The following SORCS1 variants were observed in gnomAD, a reference collection of about 807,000 sequenced individuals.
SORCS1 encodes the protein VPS10 domain-containing receptor SorCS1.
SORCS1 carries 60 observed loss-of-function variants against 146.1 expected under a neutral mutation model. That is an observed-to-expected ratio of 0.41 (90% confidence interval 0.33 to 0.51). The LOEUF is 0.51. SORCS1 is among the 20% of genes least tolerant of loss of function. The pLI is 0.21. For missense variants in SORCS1, 1,352 were observed against 1,487.6 expected (o/e 0.91, Z 1.50); for synonymous variants, 637 against 584.0 (o/e 1.09, Z -1.31).
chr10:106,808,818 T>G (rs1947317868), intron 3 of SORCS1, among the ~76,000 whole-genome samples: 1 of 152,178 alleles, frequency 6.6e-6, no homozygotes, highest in Non-Finnish European at 1.5e-5. Context: ...AAAGCAAAGT[T>G]TCTGAATGTC....
intron 2 of SORCS1, among the ~76,000 whole-genome samples, chr10:106,879,640 G>GA (rs1245222104): frequency 1.3e-5 from 2 of 152,210 alleles, no homozygotes; most frequent in African/African-American, 4.8e-5. Context: ...AAAGGCAGAA[G>GA]AAAAAGAGAG....
intron 1 of SORCS1, among the ~76,000 whole-genome samples, chr10:107,041,663 TTATA>T (rs1285640231): frequency 1.1e-4 from 16 of 152,130 alleles, no homozygotes; most frequent in African/African-American, 3.9e-4. Flanking sequence ...CAACAGAATT[TTATA>T]TAGAGGCCCA....
intron 1 of SORCS1, among the ~76,000 whole-genome samples, chr10:107,130,266 C>A (rs1844344848): frequency 1.3e-5 from 2 of 152,186 alleles, no homozygotes; most frequent in African/African-American, 2.4e-5. Flanking sequence ...AAATAGGTTT[C>A]TCATCTTATG....
intron 2 of SORCS1, among the ~76,000 whole-genome samples, chr10:106,865,083 A>T (rs1389660424): frequency 6.6e-6 from 1 of 151,950 alleles, no homozygotes; most frequent in Non-Finnish European, 1.5e-5. Context: ...GACATAGGTG[A>T]CCAGGGGCTG....
intron 2 of SORCS1, among the ~76,000 whole-genome samples, chr10:106,896,437 A>G (rs180696708): frequency 0.011 from 1,637 of 151,700 alleles, 18 homozygotes; most frequent in Middle Eastern, 0.058. Flanking sequence ...TCAAAAAAAA[A>G]AAAAAAAAAA....
intron 2 of SORCS1, among the ~76,000 whole-genome samples, chr10:106,852,670 C>A (rs1374737532): frequency 6.6e-6 from 1 of 150,432 alleles, no homozygotes; most frequent in Non-Finnish European, 1.5e-5. Context: ...AAAGAAATTT[C>A]CCGCTATCCT....
At chr10:106,851,962 A>C (rs1438031108) in intron 2 of SORCS1, among the ~76,000 whole-genome samples, 1 of 152,180 alleles carries the variant, frequency 6.6e-6, no homozygotes, top group African/African-American at 2.4e-5. Flanking sequence ...ATGCTAATGT[A>C]AATGGTAATG....
chr10:106,622,514 T>C (rs975427150), intron 19 of SORCS1, among the ~76,000 whole-genome samples: 10 of 152,162 alleles, frequency 6.6e-5, no homozygotes, highest in African/African-American at 1.7e-4. Flanking sequence ...TAACTTCCCA[T>C]GTCCGTCTTT....
chr10:107,164,159 C>T lies in SORCS1; in HGVS notation c.368G>A (p.Gly123Asp), dbSNP rs1969925942. 6.2e-7 allele frequency: 1 copy of T among 1,612,838 alleles called. No homozygotes were observed. Among genetic ancestry groups the T allele is most frequent in the East Asian group, 2.2e-5 (1 of 44,836 alleles). Residue 123 changes from glycine to aspartate, a missense_variant, in exon 1 of 26, where the codon GGC (glycine) becomes GAC (aspartate). Gly to Asp is a moderately conservative substitution (Grantham distance 94, BLOSUM62 -1). Transcript: ENST00000263054. This position sits in a 1 kb window ranked among gnomAD's most constrained non-coding sequence, Gnocchi z 6.8. ...ADQEKAERGE[G>D]ASRSPRGVLR... ...CACTCCCCGGGGGCTCCGACTCGCG[C>T]CCTCTCCCCGTTCTGCCTTCTCCTG...
Position 106,809,428 on chromosome 10 carries a change from C to T in SORCS1, c.726+20146G>A, listed in dbSNP as rs545745524. ...AATCTGTACTGGGCTCCCAGGAAGGCTCTCTCATCATGCCAGGATCCCCCT... is the reference window on the plus strand; with the variant it reads ...AATCTGTACTGGGCTCCCAGGAAGGTTCTCTCATCATGCCAGGATCCCCCT... On this transcript the variant is annotated intron_variant, in intron 3 of 25. Coordinates refer to ENST00000263054, the MANE Select transcript of SORCS1 (RefSeq NM_052918.5). 2.6e-5 allele frequency among the ~76,000 whole-genome samples: 4 copies of T among 152,040 alleles called. No individual in the cohort carries two copies. In the South Asian group the frequency reaches 6.2e-4, roughly 24 times the overall value.
intron 2 of SORCS1, among the ~76,000 whole-genome samples, chr10:106,879,398 G>A (rs576174701): frequency 5.3e-5 from 8 of 152,114 alleles, no homozygotes; most frequent in Non-Finnish European, 1.2e-4. Flanking sequence ...TCTCTACATT[G>A]TATTACAGTT....
intron 1 of SORCS1, among the ~76,000 whole-genome samples, chr10:107,088,347 A>T (rs2134288742): frequency 6.6e-6 from 1 of 152,000 alleles, no homozygotes; most frequent in African/African-American, 2.4e-5. Flanking sequence ...GGAGGCAAGC[A>T]CCTCCCCTAG....
intron 5 of SORCS1, among the ~76,000 whole-genome samples, chr10:106,734,370 C>T (rs899828631): frequency 6.6e-6 from 1 of 152,120 alleles, no homozygotes; most frequent in Non-Finnish European, 1.5e-5. Flanking sequence ...AGTGGGGGTG[C>T]CACTTAAGCC....
At chr10:106,925,802 A>G (rs113822964) in intron 2 of SORCS1, among the ~76,000 whole-genome samples, 9 of 152,342 alleles carry the variant, frequency 5.9e-5, no homozygotes, top group African/African-American at 2.2e-4. Context: ...TGGTAACACT[A>G]GAGCCCAACG....
chr10:107,029,661 C>T (rs915975518), intron 1 of SORCS1, among the ~76,000 whole-genome samples: 12 of 152,186 alleles, frequency 7.9e-5, no homozygotes, highest in African/African-American at 2.2e-4. Flanking sequence ...ACTCTAGATA[C>T]GGGAGAAGGT....
intron 1 of SORCS1, among the ~76,000 whole-genome samples, chr10:107,024,880 C>T (rs1589957431): frequency 6.6e-6 from 1 of 152,170 alleles, no homozygotes; most frequent in East Asian, 1.9e-4. Flanking sequence ...TAGTTTATGA[C>T]TATTATTAAA....
At chr10:107,180,387 G>T in the SORCS1 span, among the ~76,000 whole-genome samples, 2 of 90,434 alleles carry the variant, frequency 2.2e-5, no homozygotes, top group Non-Finnish European at 4.9e-5. Context: ...CAAAGGTGTT[G>T]GCTGGGCTTA....
chr10:107,173,439 T>TA, the SORCS1 span, among the ~76,000 whole-genome samples: 1 of 152,158 alleles, frequency 6.6e-6, no homozygotes, highest in East Asian at 1.9e-4. Flanking sequence ...ATGGAGATGT[T>TA]AATTTGCTTG....
At chr10:106,855,876 G>T (rs1949766635) in intron 2 of SORCS1, among the ~76,000 whole-genome samples, 1 of 152,012 alleles carries the variant, frequency 6.6e-6, no homozygotes, top group Non-Finnish European at 1.5e-5. Flanking sequence ...ATATGACTCT[G>T]GTTGTGATGC....
Sources: gnomAD v4.1 joint callset for allele counts (sites outside exome capture counted in the v4.1 genomes callset) on GRCh38, gnomAD v4.1.1 for gene constraint, Gnocchi (gnomAD v3.1) non-coding constraint, MANE v1.5 for transcripts, NCBI Gene and HGNC (gene_info 2026-07-23, HGNC 2026-07-21) for gene names.